Variants in ARHGEF40 observed in about 807,000 individuals in gnomAD.
ARHGEF40 encodes the protein Rho guanine nucleotide exchange factor 40, also known as Rho guanine nucleotide exchange factor (GEF) 40.
Under a neutral mutation model 165.9 loss-of-function variants are expected in ARHGEF40, and 98 were observed. The observed-to-expected ratio is 0.59, with a 90% CI of 0.50 to 0.70. The LOEUF is 0.70. Ranked by LOEUF, ARHGEF40 falls within the 30% of genes least tolerant of loss-of-function variation. The probability of loss-of-function intolerance (pLI) is 0.00; values close to 1 mark genes in which losing one functional copy is unlikely to be tolerated. For synonymous variants in ARHGEF40, 792 were observed against 814.3 expected (o/e 0.97, Z 0.47); for missense variants, 1,815 against 1,968.0 (o/e 0.92, Z 1.47).
intron 14 of ARHGEF40, 27 bp from the exon 15 acceptor site, chr14:21,082,217 C>T (rs1189354630): frequency 1.3e-6 from 2 of 1,591,874 alleles, no homozygotes; most frequent in Non-Finnish European, 1.7e-6. Flanking sequence ...TCCCACACCT[C>T]CTCTGCCACT....
chr14:21,068,585 GC>G (rs1193747301), upstream of ARHGEF40, among the ~76,000 whole-genome samples: 1 of 152,114 alleles, frequency 6.6e-6, no homozygotes, highest in East Asian at 1.9e-4. Flanking sequence ...CCTGTAACCC[GC>G]CCCTGGGCAG....
rs935991117 is a variant in ARHGEF40 at position 21,080,676 on chromosome 14, C to T, written c.2390C>T (p.Ser797Leu). ...RRLQQVLQWL[S>L]GPGEEQLASF... The stretch of plus-strand genomic sequence containing the variant: ...CTGCCTCAGGTGTTGCAGTGGCTCT[C>T]GGGCCCAGGGGAGGAGCAGCTGGCA... The change falls in exon 12 of 24, where the codon TCG becomes TTG. Residue 797 changes from serine to leucine, a missense_variant. By Grantham distance (145) the Ser-to-Leu change is moderately radical. Coordinates refer to ENST00000298694, the MANE Select transcript of ARHGEF40 (RefSeq NM_018071.5). 71 of 1,610,586 alleles carry T rather than the reference C, an allele frequency of 4.4e-5. No individual in the cohort carries two copies. The highest frequency in any genetic ancestry group is 6.7e-5 in the African/African-American group (5 of 74,830).
chr14:21,084,438 TAGA>T (rs1463118509), intron 17 of ARHGEF40, among the ~76,000 whole-genome samples: 1 of 152,228 alleles, frequency 6.6e-6, no homozygotes, highest in Non-Finnish European at 1.5e-5. Flanking sequence ...TCCTCTGGAA[TAGA>T]CCTATTTCCC....
Position 21,086,981 on chromosome 14 carries a change from C to A in ARHGEF40, c.4139-20C>A. On this transcript the variant is annotated intron_variant, in intron 19 of 23. Transcript: ENST00000298694. ...GAGAAGGGCAGGAAGAAGTTGGTAA[C>A]AAGTGTCCCTATTCCCCAGAGCTCC... is the stretch of plus-strand genomic sequence containing the variant. 1.9e-6 allele frequency: 3 copies of A among 1,577,734 alleles called. No homozygotes were observed. Among genetic ancestry groups the A allele is most frequent in the Non-Finnish European group, 2.6e-6 (3 of 1,158,874 alleles).
At chr14:21,069,795 A>G (rs1466494077), upstream of ARHGEF40, among the ~76,000 whole-genome samples, 1 of 152,170 alleles carries the variant, frequency 6.6e-6, no homozygotes, top group Admixed American at 6.5e-5. Flanking sequence ...TGAAGGTCTC[A>G]TTTGAGCCCT....
chr14:21,081,168 G>A (rs923865702), intron 13 of ARHGEF40, 152 bp downstream of exon 13: 39 of 1,257,752 alleles, frequency 3.1e-5, no homozygotes, highest in Non-Finnish European at 4.1e-5. Flanking sequence ...CTTGCTGAAT[G>A]GCATGGGGCA....
Position 21,073,016 on chromosome 14 carries a change from G to C in ARHGEF40, c.4-29G>C, listed in dbSNP as rs772107627. The C allele has an allele frequency of 6.2e-7, 1 of 1,603,368 alleles. No individual in the cohort carries two copies. Among genetic ancestry groups the C allele is most frequent in the South Asian group, 1.1e-5 (1 of 90,688 alleles). On this transcript the variant is annotated intron_variant, in intron 1 of 23. Transcript: ENST00000298694. The surrounding 1 kb of genome is among the most constrained non-coding windows in gnomAD (Gnocchi z 4.6). ...GGAGCCATGATTGGGTGATCTCTAG[G>C]GATCTGTAGCCTGGTCCTATCTCTA...
chr14:21,067,530 C>G (rs1317020600), upstream of ARHGEF40, among the ~76,000 whole-genome samples: 4 of 152,144 alleles, frequency 2.6e-5, no homozygotes, highest in Non-Finnish European at 5.9e-5. Flanking sequence ...TACTGTGTAG[C>G]TTAGAGAGAG....
Position 21,084,916 on chromosome 14 carries a change from C to A in ARHGEF40, c.3953C>A (p.Ala1318Asp), listed in dbSNP as rs1888221625. The A allele has an allele frequency of 6.2e-7, 1 of 1,613,768 alleles. No individual in the cohort carries two copies. ...GGSEMFVYKQ[A>D]FKTADMGLTE... Reference sequence around the variant, plus strand: ...TCAGAGATGTTTGTTTACAAGCAGGCCTTTAAGGTACGATTCCTGGAGTGA... The same window carrying A: ...TCAGAGATGTTTGTTTACAAGCAGGACTTTAAGGTACGATTCCTGGAGTGA... The change falls in exon 18 of 24, where the codon GCC becomes GAC. Residue 1318 changes from alanine to aspartate, a missense_variant. By Grantham distance (126) the Ala-to-Asp change is moderately radical. Coordinates refer to ENST00000298694, the MANE Select transcript of ARHGEF40 (RefSeq NM_018071.5).
chr14:21,072,941 A>G lies in ARHGEF40; in HGVS notation c.4-104A>G. 1 of 1,192,568 alleles carries G rather than the reference A, an allele frequency of 8.4e-7. No individual in the cohort carries two copies. Among genetic ancestry groups the G allele is most frequent in the Non-Finnish European group, 1.2e-6 (1 of 838,022 alleles). The allele number at this position is 1,192,568 out of a possible 1,614,324, so 73.9% of individuals were successfully genotyped here. On this transcript the variant is annotated intron_variant, in intron 1 of 23. Coordinates refer to ENST00000298694, the MANE Select transcript of ARHGEF40 (RefSeq NM_018071.5). The surrounding 1 kb of genome is among the most constrained non-coding windows in gnomAD (Gnocchi z 4.1). ...TGCTCACTTTTTGCCCACATTGTACAATCGGGGCTTTGGAGAACACAGCCA... is the reference window on the plus strand; with the variant it reads ...TGCTCACTTTTTGCCCACATTGTACGATCGGGGCTTTGGAGAACACAGCCA...
In ARHGEF40 at chr14:21,085,544, C is replaced by A. The variant is rs116415199; in HGVS notation, c.3961-145C>A. 4.8e-3 allele frequency: 4,438 copies of A among 926,888 alleles called. 154 individuals are homozygous for A. The African/African-American group carries it at 0.066, about 14-fold the overall frequency. The allele number at this position is 926,888 out of a possible 1,614,324, so 57.4% of individuals were successfully genotyped here. ...AATTATGTTTGTTACGAAGACTAAA[C>A]GTAGAGCACTTGGCACGTGATAGGT... On this transcript the variant is annotated intron_variant, in intron 18 of 23. Transcript: ENST00000298694.
At chr14:21,070,265 G>C (rs955576945), upstream of ARHGEF40, 1 of 1,001,756 alleles carries the variant, frequency 1.0e-6, no homozygotes, top group Non-Finnish European at 1.3e-6. The surrounding 1 kb of genome is among the most constrained non-coding windows in gnomAD (Gnocchi z 4.7). Flanking sequence ...AAGCCGGAGC[G>C]GGCCGAGCCG....
intron 1 of ARHGEF40, among the ~76,000 whole-genome samples, chr14:21,071,467 CCTCTGGCAGGGAGGCTGGAG>C (rs1383531308): frequency 6.6e-6 from 1 of 152,098 alleles, no homozygotes; most frequent in African/African-American, 2.4e-5. Flanking sequence ...GGAAGGGCAC[CCTCTGGCAGGGAGGCTGGAG>C]GAAAAAGAAA....
At chr14:21,085,243 C>T (rs1472445229) in intron 18 of ARHGEF40, among the ~76,000 whole-genome samples, 1 of 152,144 alleles carries the variant, frequency 6.6e-6, no homozygotes, top group African/African-American at 2.4e-5. Context: ...GAGGAGAAAG[C>T]ACACTATACT....
chr14:21,068,158 C>T (rs1467549011), upstream of ARHGEF40, among the ~76,000 whole-genome samples: 2 of 49,190 alleles, frequency 4.1e-5, 1 homozygote, highest in Non-Finnish European at 1.2e-4. Flanking sequence ...CGCTACCACG[C>T]CCGGCTAATT....
chr14:21,064,517 G>A, the ARHGEF40 span, among the ~76,000 whole-genome samples: 1 of 152,106 alleles, frequency 6.6e-6, no homozygotes, highest in African/African-American at 2.4e-5. Flanking sequence ...GGCCAGGCTC[G>A]TCTTGAACTC....
In ARHGEF40 at chr14:21,075,293, C is replaced by A. The variant is rs2139219235; in HGVS notation, c.1451-39C>A. On this transcript the variant is annotated intron_variant, in intron 3 of 23. Coordinates refer to ENST00000298694, the MANE Select transcript of ARHGEF40 (RefSeq NM_018071.5). This position sits in a 1 kb window ranked among gnomAD's most constrained non-coding sequence, Gnocchi z 4.5. ...CTGGGAGCAGAACAACCAGAACCATCTTAACTTCAGTCCCATGTTTCTGTC... is the reference window on the plus strand; with the variant it reads ...CTGGGAGCAGAACAACCAGAACCATATTAACTTCAGTCCCATGTTTCTGTC... 1 of 1,610,640 alleles carries A rather than the reference C, an allele frequency of 6.2e-7. No individual in the cohort carries two copies. The highest frequency in any genetic ancestry group is 8.5e-7 in the Non-Finnish European group (1 of 1,178,564).
chr14:21,080,919 C>A lies in ARHGEF40; in HGVS notation c.2543C>A (p.Ala848Asp). 6.2e-7 allele frequency: 1 copy of A among 1,614,158 alleles called. No individual in the cohort carries two copies. Among genetic ancestry groups the A allele is most frequent in the Non-Finnish European group, 8.5e-7 (1 of 1,180,010 alleles). ...GAGGCCCTGGCTCTGGAGGAGAATGCCACCTCCCAGAAGGTGCTGGATATC... is the reference window on the plus strand; with the variant it reads ...GAGGCCCTGGCTCTGGAGGAGAATGACACCTCCCAGAAGGTGCTGGATATC... ...AREALALEEN[A>D]TSQKVLDIFE... Residue 848 changes from alanine (A) to aspartate (D), a missense_variant, in exon 13 of 24, where the codon GCC becomes GAC. By Grantham distance (126) the Ala-to-Asp change is moderately radical (BLOSUM62 -2). Coordinates refer to ENST00000298694, the MANE Select transcript of ARHGEF40 (RefSeq NM_018071.5).
At position 21,089,983 on chromosome 14, in the gene ARHGEF40, T is replaced by G. The variant is rs1213937186; in HGVS notation, c.*975T>G. 6 of 227,430 alleles carry G rather than the reference T, an allele frequency of 2.6e-5. No individual in the cohort carries two copies. The highest frequency in any genetic ancestry group is 4.6e-5 in the Non-Finnish European group (5 of 109,570). 14.1% of individuals were successfully genotyped at this position (227,430 alleles called of 1,614,324 possible). On this transcript the variant is annotated 3_prime_UTR_variant, in exon 24 of 24. Transcript: ENST00000298694. ...ATTCTGCATTTCTTATCAAACTCTTTGGGTGATAACTAAGTGTCTGAAGAG... is the reference window on the plus strand; with the variant it reads ...ATTCTGCATTTCTTATCAAACTCTTGGGGTGATAACTAAGTGTCTGAAGAG...
Sources: gnomAD v4.1 joint callset for allele counts (sites outside exome capture counted in the v4.1 genomes callset) on GRCh38, gnomAD v4.1.1 for gene constraint, Gnocchi (gnomAD v3.1) non-coding constraint, MANE v1.5 for transcripts, NCBI Gene and HGNC (gene_info 2026-07-23, HGNC 2026-07-21) for gene names.